The following PTPRR variants were observed in gnomAD, a reference collection of about 807,000 sequenced individuals.
PTPRR encodes the protein receptor-type tyrosine-protein phosphatase R.
In PTPRR, 38 loss-of-function variants were observed where a neutral mutation model predicts 77.2. That is an observed-to-expected ratio of 0.49 (90% CI 0.38 to 0.65). The LOEUF is 0.65. Among genes scored for constraint, PTPRR ranks in the 30% least tolerant of loss-of-function variants. The pLI is 0.00. For synonymous variants in PTPRR, 299 were observed against 283.1 expected (o/e 1.06, Z -0.57); for missense variants, 744 against 799.2 (o/e 0.93, Z 0.83).
chr12:70,718,364 C>T (rs1565663780), intron 6 of PTPRR, among the ~76,000 whole-genome samples: 1 of 152,008 alleles, frequency 6.6e-6, no homozygotes, highest in Non-Finnish European at 1.5e-5. Context: ...CTCCTGGGTT[C>T]AAGCGATTCT....
chr12:70,756,917 GCAAATGTTA>G (rs1890577362), intron 4 of PTPRR, among the ~76,000 whole-genome samples: 1 of 152,154 alleles, frequency 6.6e-6, no homozygotes, highest in Non-Finnish European at 1.5e-5. Flanking sequence ...AGAATGAAGT[GCAAATGTTA>G]CAAAGTATCT....
At chr12:70,656,643 C>G (rs570291638) in intron 13 of PTPRR, 61 bp downstream of exon 13, 14 of 1,176,732 alleles carry the variant, frequency 1.2e-5, no homozygotes, top group Non-Finnish European at 2.5e-6. Flanking sequence ...TGAAGTCAGG[C>G]TGATGAGATC....
intron 2 of PTPRR, among the ~76,000 whole-genome samples, chr12:70,842,973 G>A (rs555540542): frequency 1.3e-5 from 2 of 152,232 alleles, no homozygotes; most frequent in Admixed American, 6.5e-5. Flanking sequence ...GTGCAGATAG[G>A]CACTACTTAG....
chr12:70,849,437 CA>C (rs1235718357), intron 2 of PTPRR, among the ~76,000 whole-genome samples: 1 of 152,060 alleles, frequency 6.6e-6, no homozygotes, highest in Non-Finnish European at 1.5e-5. Flanking sequence ...TTGTAGTTGC[CA>C]AAAATAAGAG....
chr12:70,801,528 G>C (rs1891614534), intron 2 of PTPRR, among the ~76,000 whole-genome samples: 1 of 152,176 alleles, frequency 6.6e-6, no homozygotes, highest in African/African-American at 2.4e-5. Flanking sequence ...TCCCGCTCTT[G>C]TACGTGGATT....
chr12:70,780,964 C>T (rs770946086), intron 2 of PTPRR, among the ~76,000 whole-genome samples: 1 of 152,140 alleles, frequency 6.6e-6, no homozygotes, highest in Non-Finnish European at 1.5e-5. Context: ...AGGCATTGTC[C>T]CTGCAGGAGA....
Position 70,796,002 on chromosome 12 carries a change from C to A in PTPRR, c.358-31224G>T, listed in dbSNP as rs534373235. ...GCAGTGGTGCGATCTCGGTTCACTG[C>A]AACTTCTGCCTCCAGGGTTCAAGTG... On this transcript the variant is annotated intron_variant, in intron 2 of 13. Transcript: ENST00000283228. 6.9e-5 allele frequency among the ~76,000 whole-genome samples: 9 copies of A among 131,380 alleles called. 1 individual carries two copies. Among genetic ancestry groups the A allele is most frequent in the Admixed American group, 4.8e-4 (5 of 10,410 alleles). The allele number at this position is 131,380 out of a possible 152,430, so 86.2% of individuals were successfully genotyped here.
At chr12:70,757,129 A>G (rs573595921) in intron 4 of PTPRR, among the ~76,000 whole-genome samples, 1 of 152,308 alleles carries the variant, frequency 6.6e-6, no homozygotes, top group Admixed American at 6.5e-5. Flanking sequence ...AGACAAGACT[A>G]CCTGCTAGTG....
chr12:70,673,422 A>G (rs541940604), intron 10 of PTPRR, among the ~76,000 whole-genome samples: 11 of 152,360 alleles, frequency 7.2e-5, no homozygotes, highest in African/African-American at 2.6e-4. Flanking sequence ...AGTTATTACA[A>G]TGTATTCTGT....
chr12:70,751,003 T>G (rs1890377530), intron 5 of PTPRR, among the ~76,000 whole-genome samples: 1 of 151,938 alleles, frequency 6.6e-6, no homozygotes, highest in Non-Finnish European at 1.5e-5. Context: ...GCCTCCCAAG[T>G]GCAGGGATTA....
intron 13 of PTPRR, among the ~76,000 whole-genome samples, chr12:70,647,268 C>T (rs1234332430): frequency 3.9e-5 from 6 of 152,122 alleles, no homozygotes. Context: ...TTCCAGTGTC[C>T]AGTTGCCAAT....
chr12:70,746,160 C>G (rs1890210002), intron 5 of PTPRR, 74 bp from the exon 6 acceptor site: 2 of 1,388,992 alleles, frequency 1.4e-6, no homozygotes. Context: ...CTCCACCCCA[C>G]CCTGGCCGAC....
chr12:70,843,804 G>GA (rs1565715922), intron 2 of PTPRR, among the ~76,000 whole-genome samples: 5 of 145,608 alleles, frequency 3.4e-5, no homozygotes, highest in African/African-American at 1.0e-4. Context: ...AAATGTTGCT[G>GA]AAAATTTTTT....
At chr12:70,702,846 CT>C (rs1888480410) in intron 6 of PTPRR, among the ~76,000 whole-genome samples, 1 of 151,854 alleles carries the variant, frequency 6.6e-6, no homozygotes, top group Non-Finnish European at 1.5e-5. Context: ...GTTGAAACTA[CT>C]TGATTTTTTT....
chr12:70,857,530 T>C (rs1033687524), intron 2 of PTPRR, among the ~76,000 whole-genome samples: 1 of 152,168 alleles, frequency 6.6e-6, no homozygotes, highest in Non-Finnish European at 1.5e-5. Flanking sequence ...AGTGATTATT[T>C]TAGCTTGCAC....
intron 6 of PTPRR, among the ~76,000 whole-genome samples, chr12:70,740,610 A>C (rs1328590488): frequency 1.3e-5 from 2 of 152,148 alleles, no homozygotes; most frequent in Non-Finnish European, 2.9e-5. Flanking sequence ...TCAGTTAAGC[A>C]ATCCATTTAG....
intron 2 of PTPRR, among the ~76,000 whole-genome samples, chr12:70,787,510 T>A (rs956768555): frequency 8.5e-5 from 13 of 152,174 alleles, no homozygotes; most frequent in Middle Eastern, 6.3e-3. Context: ...TTTAAACAGG[T>A]TAGTCCTCCT....
intron 2 of PTPRR, among the ~76,000 whole-genome samples, chr12:70,840,966 T>G (rs1892385808): frequency 7.8e-6 from 1 of 128,780 alleles, no homozygotes; most frequent in Non-Finnish European, 1.6e-5. Context: ...CTTGAGTTTT[T>G]ATGGCTTTTT....
At chr12:70,855,950 C>A (rs1892644611) in intron 2 of PTPRR, among the ~76,000 whole-genome samples, 1 of 152,136 alleles carries the variant, frequency 6.6e-6, no homozygotes, top group African/African-American at 2.4e-5. Context: ...GGAATGAAAT[C>A]TGTGCACTTT....
Sources: allele counts gnomAD v4.1 joint callset (sites outside exome capture counted in the v4.1 genomes callset), GRCh38; gene constraint gnomAD v4.1.1; transcripts MANE v1.5; gene names NCBI Gene and HGNC (gene_info 2026-07-23, HGNC 2026-07-21).